The following ASIC2 variants were observed in gnomAD, a reference collection of about 807,000 sequenced individuals.
The protein encoded by ASIC2 is acid-sensing ion channel 2.
ASIC2 carries 25 observed loss-of-function variants against 57.3 expected under a neutral mutation model. The ratio of observed to expected loss-of-function variants is 0.44; its 90% confidence interval spans 0.32 to 0.61. The LOEUF is 0.61. Among genes scored for constraint, ASIC2 ranks in the 20% least tolerant of loss-of-function variants. ASIC2 has a pLI of 0.06. For missense variants in ASIC2, 641 were observed against 738.1 expected (o/e 0.87, Z 1.52); for synonymous variants, 319 against 307.5 (o/e 1.04, Z -0.39).
At chr17:33,653,357 T>A (rs1479042634) in intron 1 of ASIC2, among the ~76,000 whole-genome samples, 1 of 152,230 alleles carries the variant, frequency 6.6e-6, no homozygotes, top group African/African-American at 2.4e-5. Flanking sequence ...CCTTCAGTAT[T>A]TATCATCATT....
chr17:33,424,059 A>T (rs558986694), intron 1 of ASIC2, among the ~76,000 whole-genome samples: 2 of 152,224 alleles, frequency 1.3e-5, no homozygotes, highest in South Asian at 4.1e-4. Context: ...ACCCCAGGAG[A>T]TGCCTTGGGG....
intron 1 of ASIC2, among the ~76,000 whole-genome samples, chr17:33,249,451 G>C (rs1377192855): frequency 1.3e-5 from 2 of 152,174 alleles, no homozygotes; most frequent in Middle Eastern, 3.2e-3. Flanking sequence ...CGAGGGTAGA[G>C]AAAGAAGGGA....
At chr17:34,023,497 G>A (rs1907262553) in intron 1 of ASIC2, among the ~76,000 whole-genome samples, 1 of 152,020 alleles carries the variant, frequency 6.6e-6, no homozygotes, top group African/African-American at 2.4e-5. Flanking sequence ...CAAAATTCAG[G>A]CATTGCCAAT....
intron 2 of ASIC2, among the ~76,000 whole-genome samples, chr17:33,093,364 G>A (rs11080204): frequency 0.18 from 28,081 of 151,854 alleles, 3,456 homozygotes; most frequent in South Asian, 0.39. Context: ...CCTTCAAAGA[G>A]TGTAGGTCTC....
At chr17:33,854,480 G>A (rs1913862475) in intron 1 of ASIC2, among the ~76,000 whole-genome samples, 1 of 152,206 alleles carries the variant, frequency 6.6e-6, no homozygotes, top group South Asian at 2.1e-4. Flanking sequence ...TAGTACATGT[G>A]GACATATGTG....
chr17:33,602,091 G>A (rs1037120648), intron 1 of ASIC2, among the ~76,000 whole-genome samples: 5 of 151,574 alleles, frequency 3.3e-5, no homozygotes, highest in Non-Finnish European at 4.4e-5. Context: ...CAAATCCTTG[G>A]GTCTCCCTTA....
At chr17:33,212,523 G>A (rs554303099) in intron 1 of ASIC2, among the ~76,000 whole-genome samples, 8 of 152,340 alleles carry the variant, frequency 5.3e-5, no homozygotes, top group Admixed American at 1.3e-4. Flanking sequence ...CTCCAGAACT[G>A]TAAGAGAATA....
At chr17:33,300,501 A>G (rs1284312493) in intron 1 of ASIC2, among the ~76,000 whole-genome samples, 1 of 152,224 alleles carries the variant, frequency 6.6e-6, no homozygotes, top group African/African-American at 2.4e-5. Context: ...ACCCTTTGCT[A>G]GATACCCTAA....
intron 1 of ASIC2, among the ~76,000 whole-genome samples, chr17:34,139,951 T>C (rs1034205527): frequency 6.6e-6 from 1 of 152,214 alleles, no homozygotes; most frequent in African/African-American, 2.4e-5. Context: ...CTGTGTGTGA[T>C]GTGGATTGGG....
At chr17:33,596,291 T>G (rs1395800044) in intron 1 of ASIC2, among the ~76,000 whole-genome samples, 1 of 152,138 alleles carries the variant, frequency 6.6e-6, no homozygotes. Flanking sequence ...GTTTGTAGAG[T>G]GCAGGTCCAT....
chr17:33,149,862 A>G (rs951268886), intron 1 of ASIC2, among the ~76,000 whole-genome samples: 1 of 151,716 alleles, frequency 6.6e-6, no homozygotes, highest in African/African-American at 2.4e-5. Context: ...TGTCTTTCCC[A>G]CCTTCTTTTG....
At chr17:33,776,485 G>A (rs1048166919) in intron 1 of ASIC2, among the ~76,000 whole-genome samples, 23 of 152,310 alleles carry the variant, frequency 1.5e-4, no homozygotes, top group African/African-American at 5.5e-4. Context: ...TCAGGAGTCC[G>A]AACAGACTAG....
intron 1 of ASIC2, among the ~76,000 whole-genome samples, chr17:33,712,562 G>A (rs1031809791): frequency 7.9e-5 from 12 of 151,178 alleles, no homozygotes; most frequent in Middle Eastern, 3.2e-3. Context: ...CCAAGGTGAT[G>A]GCTGGAACTG....
intron 3 of ASIC2, among the ~76,000 whole-genome samples, chr17:33,077,850 C>G (rs138076367): frequency 3.9e-5 from 6 of 152,148 alleles, no homozygotes; most frequent in African/African-American, 1.4e-4. Flanking sequence ...CAAGACTGTT[C>G]ATATTCAGTC....
chr17:33,080,177 G>T (rs938291707), intron 3 of ASIC2, among the ~76,000 whole-genome samples: 6 of 152,082 alleles, frequency 3.9e-5, no homozygotes, highest in Non-Finnish European at 5.9e-5. Flanking sequence ...GGGAAGAATT[G>T]CTTATGAAGG....
chr17:33,273,808 G>A (rs189523493), intron 1 of ASIC2, among the ~76,000 whole-genome samples: 193 of 152,114 alleles, frequency 1.3e-3, no homozygotes, highest in Middle Eastern at 6.8e-3. Context: ...AGTTTAAAAA[G>A]TTGGGGGGCC....
At chr17:33,433,054 A>G (rs9709421) in intron 1 of ASIC2, among the ~76,000 whole-genome samples, 58,332 of 152,018 alleles carry the variant, frequency 0.38, 11,623 homozygotes, top group Non-Finnish European at 0.42. Flanking sequence ...ATTACTGAGT[A>G]TATAGCCAAA....
intron 3 of ASIC2, among the ~76,000 whole-genome samples, chr17:33,069,813 T>C (rs2141948530): frequency 6.6e-6 from 1 of 152,334 alleles, no homozygotes; most frequent in Admixed American, 6.5e-5. Flanking sequence ...CCTTAAATTG[T>C]TGTGGTTAAA....
intron 1 of ASIC2, among the ~76,000 whole-genome samples, chr17:33,308,510 G>T (rs2142201992): frequency 6.6e-6 from 1 of 152,216 alleles, no homozygotes; most frequent in East Asian, 1.9e-4. Context: ...TCCTCATCTT[G>T]CCTAAGACCA....
Sources: allele counts gnomAD v4.1 joint callset (sites outside exome capture counted in the v4.1 genomes callset), GRCh38; gene constraint gnomAD v4.1.1; transcripts MANE v1.5; gene names NCBI Gene and HGNC (gene_info 2026-07-23, HGNC 2026-07-21).